TBC1D9B: variants seen among roughly 807,000 people sequenced by gnomAD.
The protein encoded by TBC1D9B is TBC1 domain family member 9B, also known as TBC1 domain family, member 9B (with GRAM domain).
TBC1D9B carries 87 observed loss-of-function variants against 121.1 expected under a neutral mutation model. That is an observed-to-expected ratio of 0.72 (90% confidence interval 0.60 to 0.86). The LOEUF (loss-of-function observed/expected upper bound fraction) is 0.86. Ranked by LOEUF, TBC1D9B falls within the 40% of genes least tolerant of loss-of-function variation. The pLI is 0.00. For synonymous variants in TBC1D9B, 668 were observed against 670.1 expected, an observed-to-expected ratio of 1.00 and a Z score of 0.05; for missense variants, 1,540 against 1,628.6, an observed-to-expected ratio of 0.95 and a Z score of 0.94.
In TBC1D9B at chr5:179,902,227, G is replaced by A. The variant is rs1001798190; in HGVS notation, c.229+2475C>T. Among the ~76,000 whole-genome samples the A allele has an allele frequency of 6.6e-6, 1 of 152,242 alleles. No homozygotes were observed. The highest frequency in any genetic ancestry group is 2.4e-5 in the African/African-American group (1 of 41,462). On this transcript the variant is annotated intron_variant, in intron 2 of 20. Transcript: ENST00000355235. This position sits in a 1 kb window ranked among gnomAD's most constrained non-coding sequence, Gnocchi z 4.9. ...GAGTCTGGGCAGTTCTCAGAGGAGC[G>A]GGAGGGAAGGTTAGCTGGCATGGCG...
Position 179,885,097 on chromosome 5 carries a change from G to A in TBC1D9B, c.1254+3006C>T, listed in dbSNP as rs985940049. Among the ~76,000 whole-genome samples the A allele has an allele frequency of 1.8e-4, 28 of 152,048 alleles. No homozygotes were observed. Among genetic ancestry groups the A allele is most frequent in the African/African-American group, 5.1e-4 (21 of 41,374 alleles). On this transcript the variant is annotated intron_variant, in intron 7 of 20. Coordinates refer to ENST00000355235, the MANE Select transcript of TBC1D9B (RefSeq NM_015043.4). The surrounding 1 kb of genome is among the most constrained non-coding windows in gnomAD (Gnocchi z 4.5). ...CCTGCTTCTGTGATGGGCTCCAGCC[G>A]GCCTCCTTGCTTCTATTCTTGCCAC...
intron 10 of TBC1D9B, among the ~76,000 whole-genome samples, chr5:179,876,845 C>G (rs1015408814): frequency 2.0e-5 from 3 of 151,896 alleles, no homozygotes; most frequent in Non-Finnish European, 4.4e-5. Context: ...CTGAGGAGGT[C>G]GGATCACTTG....
rs1356191302 is a variant in TBC1D9B, at chr5:179,891,544, C to T, written c.879G>A (p.Thr293=). Residue 293 remains threonine, a synonymous_variant, in exon 6 of 21, where the codon ACG becomes ACA. Coordinates refer to ENST00000355235, the MANE Select transcript of TBC1D9B (RefSeq NM_015043.4). The surrounding 1 kb of genome is among the most constrained non-coding windows in gnomAD (Gnocchi z 4.3). ...GCCGCTCATCCCTGGGCAGCCGGAACGTGGCTCGGTAGCACTCATTCTTGG... is the reference window on the plus strand; with the variant it reads ...GCCGCTCATCCCTGGGCAGCCGGAATGTGGCTCGGTAGCACTCATTCTTGG... ...ARAKNECYRA[T]FRLPRDERLD... 5.0e-6 allele frequency: 8 copies of T among 1,613,878 alleles called. No homozygotes were observed. The highest frequency in any genetic ancestry group is 3.3e-5 in the Admixed American group (2 of 60,006).
At chr5:179,906,637 C>G (rs536141282) in intron 1 of TBC1D9B, among the ~76,000 whole-genome samples, 1 of 152,250 alleles carries the variant, frequency 6.6e-6, no homozygotes, top group East Asian at 1.9e-4. Context: ...GGGTCCAGAA[C>G]AGGAGCCCGA....
chr5:179,863,712 G>T lies in TBC1D9B; in HGVS notation c.3438C>A (p.Gly1146=). ...SMSSYSVVST[G]SLQCEDLADD... The stretch of plus-strand genomic sequence containing the variant: ...CTGCAAGGTCTTCACATTGCAGGGA[G>T]CCCGTGCTGACCACCGAGTAGGAGG... Residue 1146 remains glycine (G), a synonymous_variant, in exon 21 of 21, where the codon GGC becomes GGA. Transcript: ENST00000355235. This position sits in a 1 kb window ranked among gnomAD's most constrained non-coding sequence, Gnocchi z 4.5. 6.2e-7 allele frequency: 1 copy of T among 1,613,526 alleles called. No individual in the cohort carries two copies. Among genetic ancestry groups the T allele is most frequent in the Non-Finnish European group, 8.5e-7 (1 of 1,179,986 alleles).
rs1761190436 is a variant in TBC1D9B at position 179,902,465 on chromosome 5, C to A, written c.229+2237G>T. 6.6e-6 allele frequency among the ~76,000 whole-genome samples: 1 copy of A among 152,092 alleles called. No individual in the cohort carries two copies. The highest frequency in any genetic ancestry group is 1.5e-5 in the Non-Finnish European group (1 of 68,006). ...TGGTCTTGGTGAGTTGCTTCTGGGG[C>A]CTAGCCTGGCTGGCAGGAAAGGGAG... On this transcript the variant is annotated intron_variant, in intron 2 of 20. Coordinates refer to ENST00000355235, the MANE Select transcript of TBC1D9B (RefSeq NM_015043.4). The surrounding 1 kb of genome is among the most constrained non-coding windows in gnomAD (Gnocchi z 4.9).
chr5:179,894,107 C>A (rs74963368), intron 4 of TBC1D9B, among the ~76,000 whole-genome samples: 10 of 152,182 alleles, frequency 6.6e-5, no homozygotes, highest in Non-Finnish European at 1.2e-4. Flanking sequence ...TTGGGACAGA[C>A]GTGTGCCTGA....
Position 179,879,657 on chromosome 5 carries a change from A to G in TBC1D9B, c.1387T>C (p.Ser463Pro), listed in dbSNP as rs757659697. 1 of 1,614,010 alleles carries G rather than the reference A, an allele frequency of 6.2e-7. No individual in the cohort carries two copies. The highest frequency in any genetic ancestry group is 1.1e-5 in the South Asian group (1 of 91,074). The change falls in exon 8 of 21, where the codon TCG (serine) becomes CCG (proline). Residue 463 changes from serine to proline, a missense_variant. Ser to Pro is a moderately conservative substitution (Grantham distance 74). Coordinates refer to ENST00000355235, the MANE Select transcript of TBC1D9B (RefSeq NM_015043.4). Reference protein sequence around the residue: ...QGLLKLFQKNSPMEDLGAKGA... With the variant: ...QGLLKLFQKNPPMEDLGAKGA... The stretch of plus-strand genomic sequence containing the variant: ...TTGGCTCCAAGGTCCTCCATGGGCG[A>G]GTTTTTCTGGAAGAGCTTCAGCAGG...
In TBC1D9B at chr5:179,867,673, CCT is replaced by C. The variant is rs370663626; in HGVS notation, c.2863+103_2863+104del. On this transcript the variant is annotated intron_variant, in intron 18 of 20. Transcript: ENST00000355235. ...GGGGAGAACCCCATGCGGCCTGCTCCCTGAGCCCAGGTGGGACTGCTGGCCAC... is the reference window on the plus strand; with the variant it reads ...GGGGAGAACCCCATGCGGCCTGCTCCGAGCCCAGGTGGGACTGCTGGCCAC... 3.6e-4 allele frequency: 566 copies of C among 1,558,984 alleles called. 5 individuals are homozygous for C. The African/African-American group carries it at 6.3e-3, about 17-fold the overall frequency.
rs775466912 is a variant in TBC1D9B, at chr5:179,872,991, C to T, written c.2317-1G>A. ...CTTCGGCCCTCAGGCTGCTGAATTT[C>T]TATAGGGAGAGGTGACTTGGTGAGA... On this transcript the variant is annotated splice_acceptor_variant, in intron 13 of 20. Transcript: ENST00000355235. LOFTEE classifies it high-confidence loss of function. 6.2e-7 allele frequency: 1 copy of T among 1,614,046 alleles called. No individual in the cohort carries two copies. The highest frequency in any genetic ancestry group is 1.3e-5 in the African/African-American group (1 of 75,050).
intron 17 of TBC1D9B, chr5:179,869,486 A>C (rs1393363131): frequency 1.6e-6 from 1 of 612,638 alleles, no homozygotes; most frequent in Non-Finnish European, 3.0e-6. Context: ...TGGCCCTCCT[A>C]GTGGGTTTTG....
In TBC1D9B at chr5:179,891,621, G is replaced by T. The variant is rs372827048; in HGVS notation, c.837-35C>A. 6.9e-6 allele frequency: 11 copies of T among 1,605,608 alleles called. No homozygotes were observed. Among genetic ancestry groups the T allele is most frequent in the African/African-American group, 2.7e-5 (2 of 74,778 alleles). On this transcript the variant is annotated intron_variant, in intron 5 of 20. Coordinates refer to ENST00000355235, the MANE Select transcript of TBC1D9B (RefSeq NM_015043.4). This position sits in a 1 kb window ranked among gnomAD's most constrained non-coding sequence, Gnocchi z 4.3. Reference sequence around the variant, plus strand: ...CAAGGTAGGAGGACAGGAGGAAAGGGGACAAGGTCAGGACCAGCACACTCT... The same window carrying T: ...CAAGGTAGGAGGACAGGAGGAAAGGTGACAAGGTCAGGACCAGCACACTCT...
intron 2 of TBC1D9B, among the ~76,000 whole-genome samples, chr5:179,900,455 A>T (rs1431151755): frequency 1.3e-5 from 2 of 152,076 alleles, no homozygotes; most frequent in Non-Finnish European, 2.9e-5. Context: ...CGGGGGTGGG[A>T]CAGGAGGCCC....
chr5:179,888,359 G>C (rs757721414), intron 6 of TBC1D9B, 47 bp from the exon 7 acceptor site: 1 of 1,583,944 alleles, frequency 6.3e-7, no homozygotes, highest in Non-Finnish European at 8.6e-7. Context: ...CTCAGGCCCT[G>C]CAGCTGGGCA....
intron 14 of TBC1D9B, chr5:179,872,652 T>G (rs1037345525): frequency 2.8e-5 from 15 of 543,670 alleles, no homozygotes; most frequent in Admixed American, 1.3e-4. Context: ...GCTTTCAGGG[T>G]GGGAGCCATC....
At chr5:179,870,013 C>G (rs1482674823) in intron 16 of TBC1D9B, among the ~76,000 whole-genome samples, 179 bp from the exon 17 acceptor site, 1 of 152,200 alleles carries the variant, frequency 6.6e-6, no homozygotes, top group Non-Finnish European at 1.5e-5. Context: ...CAGCCCTTCC[C>G]TGGGGCTGGC....
rs1760260586 is a variant in TBC1D9B, at chr5:179,873,332, C to T, written c.2187-84G>A. ...CACAGCTGGGTGATGCGGAGGGACC[C>T]AATCTTTATGCAGACTCCTAATAAG... is the stretch of plus-strand genomic sequence containing the variant. On this transcript the variant is annotated intron_variant, in intron 12 of 20. Transcript: ENST00000355235. 3.4e-6 allele frequency: 5 copies of T among 1,462,778 alleles called. No homozygotes were observed. In the South Asian group the frequency reaches 7.1e-5, roughly 21 times the overall value. The allele number at this position is 1,462,778 out of a possible 1,614,324, so 90.6% of individuals were successfully genotyped here. A position where few individuals can be genotyped will look rare whatever the true frequency, so the allele number is the denominator to read the frequency against.
In TBC1D9B at chr5:179,891,539, C is replaced by T. The variant is rs201568253; in HGVS notation, c.884G>A (p.Arg295Gln). Residue 295 changes from arginine to glutamine, a missense_variant, in exon 6 of 21, where the codon CGG becomes CAG. Transcript: ENST00000355235. This position sits in a 1 kb window ranked among gnomAD's most constrained non-coding sequence, Gnocchi z 4.3. ...AKNECYRATF[R>Q]LPRDERLDGH... ...GTCTAGCCGCTCATCCCTGGGCAGC[C>T]GGAACGTGGCTCGGTAGCACTCATT... The T allele has an allele frequency of 3.7e-5, 60 of 1,613,896 alleles. No individual in the cohort carries two copies. The Middle Eastern group carries it at 6.7e-4, about 18-fold the overall frequency.
At position 179,875,888 on chromosome 5, in the gene TBC1D9B, AC is replaced by A; in HGVS notation, c.1900+31del. 6.5e-7 allele frequency: 1 copy of A among 1,530,516 alleles called. No individual in the cohort carries two copies. The highest frequency in any genetic ancestry group is 1.2e-5 in the South Asian group (1 of 81,104). 94.8% of individuals were successfully genotyped at this position (1,530,516 alleles called of 1,614,324 possible). On this transcript the variant is annotated intron_variant, in intron 11 of 20. Transcript: ENST00000355235. This position sits in a 1 kb window ranked among gnomAD's most constrained non-coding sequence, Gnocchi z 4.5. ...TCATGGAACCAGCAGGCACCTGGAGACCCAGGCGAGGCAGCACCCGGGGACA... is the reference window on the plus strand; with the variant it reads ...TCATGGAACCAGCAGGCACCTGGAGACCAGGCGAGGCAGCACCCGGGGACA...
Sources: gnomAD v4.1 joint callset for allele counts (sites outside exome capture counted in the v4.1 genomes callset) on GRCh38, gnomAD v4.1.1 for gene constraint, Gnocchi (gnomAD v3.1) non-coding constraint, MANE v1.5 for transcripts, NCBI Gene and HGNC (gene_info 2026-07-23, HGNC 2026-07-21) for gene names.